Variants in MACC1 observed in about 807,000 individuals in gnomAD.
MACC1 encodes MET transcriptional regulator MACC1.
In MACC1, 79 loss-of-function variants were observed where a neutral mutation model predicts 70.7. The observed-to-expected ratio is 1.12, with a 90% CI of 0.93 to 1.35. MACC1 has a LOEUF of 1.35. MACC1 is among the 40% of genes most tolerant of loss of function. The probability of loss-of-function intolerance (pLI) is 0.00; values close to 1 mark genes in which losing one functional copy is unlikely to be tolerated. For missense variants in MACC1, 1,106 were observed against 978.1 expected (o/e 1.13, Z -1.74); for synonymous variants, 361 against 347.2 (o/e 1.04, Z -0.44).
Position 20,159,869 on chromosome 7 carries a change from T to C in MACC1, c.492A>G (p.Leu164=), listed in dbSNP as rs1782116370. ...TTTTAAGCCACTCTAAGTCGTGTAG[T>C]AGGATCTGGTCAGAGTTATGTATAC... is the stretch of plus-strand genomic sequence containing the variant. The part of the protein sequence containing the change: ...HQSIHNSDQI[L]LHDLEWLKND... Residue 164 remains leucine (L), a synonymous_variant, in exon 5 of 7, where the codon CTA becomes CTG. Transcript: ENST00000400331. 2.5e-6 allele frequency: 4 copies of C among 1,614,054 alleles called. No homozygotes were observed. Among genetic ancestry groups the C allele is most frequent in the Non-Finnish European group, 3.4e-6 (4 of 1,180,000 alleles).
At chr7:20,216,072 G>A (rs1783065913) in intron 1 of MACC1, among the ~76,000 whole-genome samples, 1 of 152,066 alleles carries the variant, frequency 6.6e-6, no homozygotes, top group Admixed American at 6.6e-5. Context: ...ATGTAATTAA[G>A]TTCAGGGGGG....
At chr7:20,153,060 C>T (rs1179841228) in intron 6 of MACC1, among the ~76,000 whole-genome samples, 2 of 152,116 alleles carry the variant, frequency 1.3e-5, no homozygotes, top group African/African-American at 4.8e-5. Flanking sequence ...GGCTGTAATG[C>T]CCTTCTAAGT....
chr7:20,169,444 A>C (rs572653832), intron 2 of MACC1, among the ~76,000 whole-genome samples: 1 of 152,320 alleles, frequency 6.6e-6, no homozygotes, highest in East Asian at 1.9e-4. Flanking sequence ...GGGGTGGACA[A>C]GACGTGGGTT....
chr7:20,205,689 G>GA (rs1015877136), intron 1 of MACC1, among the ~76,000 whole-genome samples: 1 of 152,094 alleles, frequency 6.6e-6, no homozygotes, highest in Admixed American at 6.5e-5. Context: ...TTTCTCAAGG[G>GA]TTTTTTGTTT....
intron 1 of MACC1, among the ~76,000 whole-genome samples, chr7:20,177,661 G>C (rs1214937163): frequency 6.8e-6 from 1 of 147,820 alleles, no homozygotes. Flanking sequence ...TTTTTTCACA[G>C]TTTAATATAT....
chr7:20,146,526 T>C (rs575451826), intron 6 of MACC1, among the ~76,000 whole-genome samples: 1 of 152,336 alleles, frequency 6.6e-6, no homozygotes, highest in South Asian at 2.1e-4. Context: ...CTGGAAATGT[T>C]TGAAGGAATA....
At chr7:20,189,112 T>C (rs551964051) in intron 1 of MACC1, among the ~76,000 whole-genome samples, 1 of 152,310 alleles carries the variant, frequency 6.6e-6, no homozygotes, top group African/African-American at 2.4e-5. Flanking sequence ...TGTGATGTCT[T>C]CCTCATCATC....
chr7:20,163,914 C>A (rs1201379840), intron 3 of MACC1, among the ~76,000 whole-genome samples: 1 of 152,116 alleles, frequency 6.6e-6, no homozygotes, highest in South Asian at 2.1e-4. Context: ...GTTCACATTT[C>A]CAGTTATTTT....
intron 1 of MACC1, among the ~76,000 whole-genome samples, chr7:20,182,739 T>C (rs1782529861): frequency 6.6e-6 from 1 of 152,184 alleles, no homozygotes; most frequent in African/African-American, 2.4e-5. Flanking sequence ...GTCTTCCTCA[T>C]TCTTTGGTTT....
intron 6 of MACC1, among the ~76,000 whole-genome samples, chr7:20,152,484 A>T (rs1781995112): frequency 1.3e-5 from 2 of 152,170 alleles, no homozygotes; most frequent in Admixed American, 6.6e-5. Flanking sequence ...CGTACGTAAG[A>T]TTTCTGTATA....
chr7:20,146,652 A>C (rs1781895833), intron 6 of MACC1, among the ~76,000 whole-genome samples: 1 of 152,176 alleles, frequency 6.6e-6, no homozygotes, highest in Non-Finnish European at 1.5e-5. Flanking sequence ...TCTTGTATCT[A>C]TTCTGTGTTT....
intron 6 of MACC1, among the ~76,000 whole-genome samples, chr7:20,142,719 C>G (rs1376621020): frequency 6.6e-6 from 1 of 152,168 alleles, no homozygotes; most frequent in South Asian, 2.1e-4. Context: ...TGTCGCTGCT[C>G]AGTTGCAAAG....
chr7:20,207,317 ATT>A (rs1174731938), intron 1 of MACC1, among the ~76,000 whole-genome samples: 9 of 132,904 alleles, frequency 6.8e-5, no homozygotes, highest in Non-Finnish European at 4.9e-5. Flanking sequence ...TAATTTTTGT[ATT>A]TTTTTTTTTT....
chr7:20,192,595 T>C (rs1782689235), intron 1 of MACC1, among the ~76,000 whole-genome samples: 1 of 152,112 alleles, frequency 6.6e-6, no homozygotes, highest in Non-Finnish European at 1.5e-5. Flanking sequence ...TTAGGCCAAG[T>C]AGAAGAATCA....
At chr7:20,188,353 A>G (rs959262052) in intron 1 of MACC1, among the ~76,000 whole-genome samples, 1 of 152,144 alleles carries the variant, frequency 6.6e-6, no homozygotes, top group African/African-American at 2.4e-5. Flanking sequence ...TGCCCGTGCT[A>G]TCAGCCAAGT....
At position 20,159,189 on chromosome 7, in the gene MACC1, C is replaced by A. The variant is rs1269923314; in HGVS notation, c.1172G>T (p.Cys391Phe). 6.2e-7 allele frequency: 1 copy of A among 1,613,996 alleles called. No homozygotes were observed. Among genetic ancestry groups the A allele is most frequent in the Admixed American group, 1.7e-5 (1 of 59,968 alleles). The change falls in exon 5 of 7, where the codon TGT becomes TTT. Residue 391 changes from cysteine (C) to phenylalanine (F), a missense_variant. Transcript: ENST00000400331. ...HPSFTVVLTV[C>F]GHNYMPGQLT... is the part of the protein sequence containing the mutation. ...CTGTCCTGGCATATAATTGTGTCCA[C>A]AAACTGTTAAAACAACAGTAAAACT... is the stretch of plus-strand genomic sequence containing the variant.
At position 20,159,752 on chromosome 7, in the gene MACC1, T is replaced by C. The variant is rs1211102664; in HGVS notation, c.609A>G (p.Gly203=). The part of the protein sequence containing the change: ...LDLNTISQSP[G]WAQTQLAEVT... ...CCTCCGCAAGTTGTGTCTGGGCCCA[T>C]CCAGGGCTCTGACTAATTGTATTCA... The change falls in exon 5 of 7, where the codon GGA becomes GGG. Residue 203 remains glycine (G), a synonymous_variant. Coordinates refer to ENST00000400331, the MANE Select transcript of MACC1 (RefSeq NM_182762.4). 1 of 1,614,114 alleles carries C rather than the reference T, an allele frequency of 6.2e-7. No individual in the cohort carries two copies. Among genetic ancestry groups the C allele is most frequent in the South Asian group, 1.1e-5 (1 of 91,078 alleles).
At chr7:20,200,043 G>GTATGTATATA (rs1782810001) in intron 1 of MACC1, among the ~76,000 whole-genome samples, 1 of 150,260 alleles carries the variant, frequency 6.7e-6, no homozygotes, top group Non-Finnish European at 1.5e-5. Flanking sequence ...GTGTGTGTGT[G>GTATGTATATA]TACATATGTA....
At chr7:20,204,884 A>G (rs17142574) in intron 1 of MACC1, among the ~76,000 whole-genome samples, 6,487 of 152,294 alleles carry the variant, frequency 0.043, 492 homozygotes, top group African/African-American at 0.15. Flanking sequence ...TCCAAAATGA[A>G]GATGACCCAG....
Sources: allele counts gnomAD v4.1 joint callset (sites outside exome capture counted in the v4.1 genomes callset), GRCh38; gene constraint gnomAD v4.1.1; transcripts MANE v1.5; gene names NCBI Gene and HGNC (gene_info 2026-07-23, HGNC 2026-07-21).